Variants in MAP2 observed in about 807,000 individuals in gnomAD.
MAP2 encodes the protein microtubule-associated protein 2.
A neutral mutation model predicts 137.6 loss-of-function variants in MAP2; 14 were observed. The ratio of observed to expected loss-of-function variants is 0.10; its 90% confidence interval spans 0.07 to 0.16. The LOEUF is 0.16. MAP2 is among the 10% of genes least tolerant of loss of function. MAP2 has a pLI of 1.00. For missense variants in MAP2, 2,088 were observed against 2,191.5 expected (o/e 0.95, Z 0.94); for synonymous variants, 786 against 782.3 (o/e 1.00, Z -0.08).
chr2:209,589,604 T>C (rs1431265501), intron 3 of MAP2, among the ~76,000 whole-genome samples: 1 of 152,128 alleles, frequency 6.6e-6, no homozygotes, highest in African/African-American at 2.4e-5. Context: ...CTAGTAAAAA[T>C]AGCACAGTCT....
intron 2 of MAP2, among the ~76,000 whole-genome samples, chr2:209,525,318 G>A (rs2063864574): frequency 6.6e-6 from 1 of 152,006 alleles, no homozygotes; most frequent in African/African-American, 2.4e-5. Flanking sequence ...ATTTAGAAAT[G>A]ACGTCTTCTA....
rs552223277 is a variant in MAP2, at chr2:209,494,452, C to G, written c.-221-13140C>G. On this transcript the variant is annotated intron_variant, in intron 1 of 15. Transcript: ENST00000682079. ...ATAATTAAAAAAAAAAAAAAGCCAG[C>G]TAAATCCCACTGAAACCAAGATGGT... Among the ~76,000 whole-genome samples the G allele has an allele frequency of 2.7e-5, 4 of 149,162 alleles. No individual in the cohort carries two copies. The South Asian group carries it at 8.6e-4, about 32-fold the overall frequency.
intron 1 of MAP2, among the ~76,000 whole-genome samples, chr2:209,430,530 T>C (rs1240673641): frequency 6.6e-6 from 1 of 152,164 alleles, no homozygotes; most frequent in Admixed American, 6.5e-5. Context: ...TGACCAAGTA[T>C]TTATTAATGA....
chr2:209,723,794 C>A, intron 13 of MAP2: 1 of 720,606 alleles, frequency 1.4e-6, no homozygotes, highest in South Asian at 1.7e-5. Context: ...GCTCCTTTCT[C>A]ACTGCTGTTC....
At chr2:209,516,346 C>T (rs1164722636) in intron 2 of MAP2, among the ~76,000 whole-genome samples, 3 of 152,036 alleles carry the variant, frequency 2.0e-5, no homozygotes, top group Non-Finnish European at 4.4e-5. Context: ...CTTTTTCCAC[C>T]TTTTCCTCAA....
chr2:209,517,752 C>T (rs965508241), intron 2 of MAP2, among the ~76,000 whole-genome samples: 24 of 151,812 alleles, frequency 1.6e-4, no homozygotes, highest in African/African-American at 5.8e-4. Context: ...AAATACACCA[C>T]TTTATGGAGT....
At chr2:209,458,075 T>A (rs1052180120) in intron 1 of MAP2, among the ~76,000 whole-genome samples, 6 of 152,104 alleles carry the variant, frequency 3.9e-5, no homozygotes, top group Non-Finnish European at 5.9e-5. Flanking sequence ...AATAAGTAGG[T>A]AATTTTTTTT....
chr2:209,510,072 G>A (rs975294800), intron 2 of MAP2, among the ~76,000 whole-genome samples: 3 of 150,528 alleles, frequency 2.0e-5, no homozygotes, highest in Non-Finnish European at 4.4e-5. Context: ...AACAAGGAAG[G>A]TAAATTTGGC....
At chr2:209,454,073 C>A (rs1246607709) in intron 1 of MAP2, among the ~76,000 whole-genome samples, 3 of 143,634 alleles carry the variant, frequency 2.1e-5, no homozygotes, top group Non-Finnish European at 3.0e-5. Flanking sequence ...ATGGTGTGAA[C>A]CTGGGAGGCG....
rs1229410386 is a variant in MAP2 at position 209,424,234 on chromosome 2, G to A, written c.-264G>A. 1 of 152,332 alleles carries A rather than the reference G, an allele frequency of 6.6e-6. No individual in the cohort carries two copies. Among genetic ancestry groups the A allele is most frequent in the East Asian group, 1.9e-4 (1 of 5,180 alleles). The allele number at this position is 152,332 out of a possible 1,614,324, so 9.4% of individuals were successfully genotyped here. A position where few individuals can be genotyped will look rare whatever the true frequency, so the allele number is the denominator to read the frequency against. On this transcript the variant is annotated 5_prime_UTR_variant, in exon 1 of 16. Transcript: ENST00000682079. ...TCCGGAGGGCGCTAAGTCCGTGAGC[G>A]GTGGCAGTCGCGACCGCGGGTGCAT... is the stretch of plus-strand genomic sequence containing the variant.
At chr2:209,707,022 A>G (rs1475215833) in intron 12 of MAP2, among the ~76,000 whole-genome samples, 2 of 152,146 alleles carry the variant, frequency 1.3e-5, no homozygotes, top group Non-Finnish European at 2.9e-5. Flanking sequence ...TCTCCAGGGA[A>G]GAGACTTTAA....
intron 2 of MAP2, among the ~76,000 whole-genome samples, chr2:209,537,548 G>A (rs144746906): frequency 1.9e-4 from 29 of 152,140 alleles, no homozygotes; most frequent in African/African-American, 7.0e-4. Flanking sequence ...GCTAATTACA[G>A]GTATATGTGT....
intron 1 of MAP2, among the ~76,000 whole-genome samples, chr2:209,440,214 A>C (rs553855074): frequency 1.3e-5 from 2 of 151,496 alleles, no homozygotes; most frequent in Non-Finnish European, 1.5e-5. Flanking sequence ...GGAATGGTCA[A>C]TAAGTATTTT....
At chr2:209,719,013 T>C in intron 13 of MAP2, among the ~76,000 whole-genome samples, 1 of 152,280 alleles carries the variant, frequency 6.6e-6, no homozygotes, top group African/African-American at 2.4e-5. Context: ...AAAATGAATA[T>C]TATGAAATAA....
Position 209,664,717 on chromosome 2 carries a change from G to A in MAP2, c.262+11285G>A, listed in dbSNP as rs116963092. ...CTCATGCCTCTATCCCAGCACTTTGGAAGGCCAAGGCAGGCAGGCAGATCA... is the reference window on the plus strand; with the variant it reads ...CTCATGCCTCTATCCCAGCACTTTGAAAGGCCAAGGCAGGCAGGCAGATCA... On this transcript the variant is annotated intron_variant, in intron 5 of 15. Transcript: ENST00000682079. Among the ~76,000 whole-genome samples the A allele has an allele frequency of 2.1e-3, 316 of 152,112 alleles. 4 individuals are homozygous for A. Among genetic ancestry groups the A allele is most frequent in the Admixed American group, 0.017 (256 of 15,280 alleles).
intron 2 of MAP2, among the ~76,000 whole-genome samples, chr2:209,532,782 A>G (rs1028923902): frequency 3.9e-5 from 6 of 152,178 alleles, no homozygotes; most frequent in Admixed American, 3.3e-4. Flanking sequence ...TGTACAGGCT[A>G]TTTGCATTTC....
intron 1 of MAP2, among the ~76,000 whole-genome samples, chr2:209,435,951 ATATACAG>A (rs1695898442): frequency 7.0e-6 from 1 of 142,996 alleles, no homozygotes; most frequent in East Asian, 2.0e-4. Flanking sequence ...TATATACTAT[ATATACAG>A]TATATATTAT....
intron 4 of MAP2, among the ~76,000 whole-genome samples, chr2:209,632,735 G>T (rs556275268): frequency 5.7e-4 from 86 of 152,186 alleles, no homozygotes; most frequent in African/African-American, 1.9e-3. Context: ...AGAAATCCAA[G>T]AATCTATTGT....
Position 209,709,973 on chromosome 2 carries a change from T to C in MAP2, c.4792T>C (p.Ser1598Pro). 6.2e-7 allele frequency: 1 copy of C among 1,613,828 alleles called. No homozygotes were observed. Among genetic ancestry groups the C allele is most frequent in the Non-Finnish European group, 8.5e-7 (1 of 1,179,950 alleles). The change falls in exon 13 of 16, where the codon TCT becomes CCT. Residue 1598 changes from serine (S) to proline (P), a missense_variant. Around this residue, in one of 6 missense-constraint regions of MAP2, gnomAD observed 591 missense variants for 642.6 expected, o/e 0.92. Coordinates refer to ENST00000682079, the MANE Select transcript of MAP2 (RefSeq NM_001375505.1). ...TACCTCAACACCCACTACCCCTGGG[T>C]CTACTGCCATCACTCCTGGCACCCC... ...SGTSTPTTPG[S>P]TAITPGTPPS...
Sources: allele counts gnomAD v4.1 joint callset (sites outside exome capture counted in the v4.1 genomes callset), GRCh38; gene constraint gnomAD v4.1.1; regional missense constraint gnomAD v4.1.1; transcripts MANE v1.5; gene names NCBI Gene and HGNC (gene_info 2026-07-23, HGNC 2026-07-21).